Variants in SGCE observed in about 807,000 individuals in gnomAD.
SGCE encodes the protein epsilon-sarcoglycan.
A neutral mutation model predicts 57.8 loss-of-function variants in SGCE; 26 were observed. That is an observed-to-expected ratio of 0.45 (90% CI 0.33 to 0.62). The LOEUF (loss-of-function observed/expected upper bound fraction) is 0.62. Among genes scored for constraint, SGCE ranks in the 20% least tolerant of loss-of-function variants. The pLI, the probability that SGCE is intolerant of heterozygous loss-of-function variation, is 0.02. For synonymous variants in SGCE, 183 were observed against 189.5 expected (o/e 0.97, Z 0.28); for missense variants, 468 against 548.6 (o/e 0.85, Z 1.47).
In SGCE at chr7:94,588,088, T is replaced by C. The variant is rs1797147679; in HGVS notation, c.1297+601A>G. The C allele has an allele frequency of 2.4e-6, 3 of 1,229,878 alleles. No homozygotes were observed. The East Asian group carries it at 1.1e-4, about 45-fold the overall frequency. 76.2% of individuals were successfully genotyped at this position (1,229,878 alleles called of 1,614,324 possible). On this transcript the variant is annotated intron_variant, in intron 10 of 10. Coordinates refer to ENST00000648936, the MANE Select transcript of SGCE (RefSeq NM_003919.3). ...TCATGAATAAGTTATCTACTCAGTA[T>C]AGAGATGAATGAAATAATTGGCTGT...
At chr7:94,620,507 T>G (rs992149316) in intron 4 of SGCE, 20 of 152,182 alleles carry the variant, frequency 1.3e-4, no homozygotes, top group Admixed American at 2.6e-4. Flanking sequence ...TCATGCTACA[T>G]TTATCTGCAT....
At chr7:94,588,490 C>T (rs889198920) in intron 10 of SGCE, 199 bp downstream of exon 10, 9 of 1,402,974 alleles carry the variant, frequency 6.4e-6, no homozygotes, top group Non-Finnish European at 8.3e-6. Context: ...AGATCATTTA[C>T]CCTGTGTTTA....
intron 5 of SGCE, 185 bp downstream of exon 5, chr7:94,618,573 A>G (rs1802286478): frequency 3.5e-6 from 2 of 574,200 alleles, no homozygotes; most frequent in Admixed American, 3.3e-5. Flanking sequence ...AACTTGAGAT[A>G]TAAAAAACCA....
At chr7:94,654,633 T>TTCTC (rs58588344) in intron 1 of SGCE, among the ~76,000 whole-genome samples, 22,298 of 152,154 alleles carry the variant, frequency 0.15, 1,730 homozygotes, top group South Asian at 0.25. Flanking sequence ...AGTGGGCATT[T>TTCTC]TCTAATAAAA....
intron 9 of SGCE, 196 bp downstream of exon 9, chr7:94,598,578 GA>G (rs983296475): frequency 2.0e-5 from 12 of 596,556 alleles, no homozygotes; most frequent in Non-Finnish European, 2.7e-5. Flanking sequence ...ATCAGTGGGG[GA>G]AAAAAAGTGC....
At chr7:94,631,776 A>T (rs1584711798) in intron 1 of SGCE, among the ~76,000 whole-genome samples, 1 of 152,076 alleles carries the variant, frequency 6.6e-6, no homozygotes, top group East Asian at 1.9e-4. Context: ...CTAAAAAGTC[A>T]TTTCACTCTG....
chr7:94,620,690 T>C (rs1802630553), intron 4 of SGCE: 1 of 152,248 alleles, frequency 6.6e-6, no homozygotes, highest in African/African-American at 2.4e-5. Flanking sequence ...AAAACTTTTT[T>C]CTTATGATCA....
In SGCE at chr7:94,591,012, C is replaced by G. The variant is rs567621743; in HGVS notation, c.1254-2280G>C. 4.6e-5 allele frequency: 7 copies of G among 152,156 alleles called. No individual in the cohort carries two copies. The South Asian group carries it at 1.5e-3, about 32-fold the overall frequency. 9.4% of individuals were successfully genotyped at this position (152,156 alleles called of 1,614,324 possible). ...GGAAATAATAAACTCAACTCTAACACAATTTGAGGAAGTTACTTAATAATT... is the reference window on the plus strand; with the variant it reads ...GGAAATAATAAACTCAACTCTAACAGAATTTGAGGAAGTTACTTAATAATT... On this transcript the variant is annotated intron_variant, in intron 9 of 10. Coordinates refer to ENST00000648936, the MANE Select transcript of SGCE (RefSeq NM_003919.3).
chr7:94,641,953 C>A (rs1026080438), intron 1 of SGCE, among the ~76,000 whole-genome samples: 17 of 152,208 alleles, frequency 1.1e-4, no homozygotes, highest in African/African-American at 3.9e-4. Flanking sequence ...CCGGCTAAAA[C>A]CGAGGCTACC....
intron 10 of SGCE, chr7:94,586,611 T>C (rs527307225): frequency 6.5e-6 from 1 of 153,442 alleles, no homozygotes; most frequent in Non-Finnish European, 1.4e-5. Flanking sequence ...GTGATTTTTC[T>C]GCCTCAGCCT....
intron 5 of SGCE, chr7:94,617,495 T>TCA (rs1432118627): frequency 6.6e-6 from 1 of 152,206 alleles, no homozygotes; most frequent in African/African-American, 2.4e-5. Context: ...GAGAATGCCT[T>TCA]CAGGGAAGAT....
chr7:94,608,617 C>T (rs1241646604), intron 5 of SGCE, among the ~76,000 whole-genome samples: 6 of 152,084 alleles, frequency 3.9e-5, no homozygotes, highest in African/African-American at 1.4e-4. Flanking sequence ...ATAGCCAAAA[C>T]AATATTGAAG....
chr7:94,611,370 A>G (rs929819508), intron 5 of SGCE, among the ~76,000 whole-genome samples: 1 of 152,162 alleles, frequency 6.6e-6, no homozygotes, highest in African/African-American at 2.4e-5. Flanking sequence ...AATGTTATAC[A>G]AAGTGAAAGA....
intron 7 of SGCE, chr7:94,600,399 T>G: frequency 2.2e-6 from 1 of 448,582 alleles, no homozygotes; most frequent in Non-Finnish European, 4.0e-6. Context: ...GGGACTGTTT[T>G]GCCAGTGTGA....
chr7:94,609,446 C>T (rs1184230232), intron 5 of SGCE, among the ~76,000 whole-genome samples: 2 of 152,172 alleles, frequency 1.3e-5, no homozygotes, highest in African/African-American at 2.4e-5. Flanking sequence ...GCATGAGAAT[C>T]ACTTGAACCC....
rs151179509 is a variant in SGCE, at chr7:94,636,089, C to T, written c.110-6248G>A. Among the ~76,000 whole-genome samples the T allele has an allele frequency of 4.4e-3, 673 of 152,298 alleles. 7 individuals are homozygous for T. The highest frequency in any genetic ancestry group is 6.4e-3 in the Non-Finnish European group (433 of 68,006). ...ATTACTTGAATCTTCTACAAAAAAG[C>T]AGAAGAGTTTCTTCATGATATTTTC... On this transcript the variant is annotated intron_variant, in intron 1 of 10. Coordinates refer to ENST00000648936, the MANE Select transcript of SGCE (RefSeq NM_003919.3).
In SGCE at chr7:94,598,965, T is replaced by C. The variant is rs368043832; in HGVS notation, c.1065-2A>G. The C allele has an allele frequency of 5.0e-6, 8 of 1,611,964 alleles. No individual in the cohort carries two copies. Among genetic ancestry groups the C allele is most frequent in the Non-Finnish European group, 5.9e-6 (7 of 1,178,338 alleles). On this transcript the variant is annotated splice_acceptor_variant, in intron 8 of 10. Coordinates refer to ENST00000648936, the MANE Select transcript of SGCE (RefSeq NM_003919.3). LOFTEE classifies it high-confidence loss of function. ...GCACTGTGATGGACCAGTTGGATGC[T>C]AGGTCAAAAAGAAATAAAACAACAT...
At chr7:94,603,763 A>G (rs1799636206) in intron 5 of SGCE, among the ~76,000 whole-genome samples, 1 of 152,164 alleles carries the variant, frequency 6.6e-6, no homozygotes, top group Non-Finnish European at 1.5e-5. Flanking sequence ...TCTGATTACT[A>G]TATTTAGTAA....
At chr7:94,648,470 A>C (rs982992673) in intron 1 of SGCE, among the ~76,000 whole-genome samples, 1 of 152,142 alleles carries the variant, frequency 6.6e-6, no homozygotes, top group Non-Finnish European at 1.5e-5. Context: ...ACTATAATAA[A>C]AATCCTTATC....
Sources: gnomAD v4.1 joint callset for allele counts (sites outside exome capture counted in the v4.1 genomes callset) on GRCh38, gnomAD v4.1.1 for gene constraint, MANE v1.5 for transcripts, NCBI Gene and HGNC (gene_info 2026-07-23, HGNC 2026-07-21) for gene names.